CPO: variants seen among roughly 807,000 people sequenced by gnomAD.
The protein encoded by CPO is carboxypeptidase O.
A neutral mutation model predicts 41.2 loss-of-function variants in CPO; 43 were observed. The ratio of observed to expected loss-of-function variants is 1.04; its 90% CI spans 0.82 to 1.35. The LOEUF (loss-of-function observed/expected upper bound fraction) is 1.35. CPO is among the 40% of genes most tolerant of loss of function. CPO has a pLI of 0.00. For missense variants in CPO, 408 were observed against 451.7 expected (o/e 0.90, Z 0.88); for synonymous variants, 178 against 162.7 (o/e 1.09, Z -0.72).
intron 7 of CPO, among the ~76,000 whole-genome samples, chr2:206,966,189 G>A (rs1161576268): frequency 6.7e-6 from 1 of 150,160 alleles, no homozygotes; most frequent in Non-Finnish European, 1.5e-5. Context: ...ATAAATGATA[G>A]CTGGCAATGT....
intron 3 of CPO, among the ~76,000 whole-genome samples, chr2:206,956,414 A>G (rs1693358899): frequency 6.8e-6 from 1 of 146,402 alleles, no homozygotes; most frequent in Admixed American, 6.8e-5. Context: ...CATCATCATC[A>G]TCAGCAGCAG....
intron 5 of CPO, 50 bp downstream of exon 5, chr2:206,959,791 A>G (rs768619966): frequency 3.7e-6 from 3 of 809,266 alleles, no homozygotes; most frequent in Non-Finnish European, 6.4e-6. Flanking sequence ...CTAAAGCTCA[A>G]TTCAGGTTAA....
intron 2 of CPO, 70 bp from the exon 3 acceptor site, chr2:206,955,393 C>A: frequency 1.2e-6 from 1 of 868,728 alleles, no homozygotes; most frequent in Non-Finnish European, 2.0e-6. Context: ...GTGAAAGAAG[C>A]AGTTATCTTA....
chr2:206,960,016 G>A (rs896387366), intron 5 of CPO, among the ~76,000 whole-genome samples: 1 of 151,990 alleles, frequency 6.6e-6, no homozygotes, highest in Non-Finnish European at 1.5e-5. Flanking sequence ...AATGTTTGTG[G>A]ATTGCCTGCC....
intron 8 of CPO, 50 bp from the exon 9 acceptor site, chr2:206,969,124 A>G (rs7582092): frequency 0.66 from 1,049,440 of 1,586,964 alleles, 350,727 homozygotes; most frequent in African/African-American, 0.75. Context: ...ATAGAAATCC[A>G]TTCTTCCAAA....
At chr2:206,953,522 A>G (rs1209875067) in intron 2 of CPO, among the ~76,000 whole-genome samples, 2 of 152,234 alleles carry the variant, frequency 1.3e-5, no homozygotes, top group African/African-American at 4.8e-5. Flanking sequence ...ACAACCTTGG[A>G]CATTCTGTCC....
intron 4 of CPO, 101 bp downstream of exon 4, chr2:206,958,506 G>A: frequency 3.1e-6 from 2 of 638,314 alleles, no homozygotes; most frequent in Non-Finnish European, 5.6e-6. Flanking sequence ...TGTTAGTGAT[G>A]CAACTCTTTA....
intron 6 of CPO, 29 bp from the exon 7 acceptor site, chr2:206,962,383 C>T (rs778858687): frequency 6.3e-7 from 1 of 1,598,522 alleles, no homozygotes; most frequent in East Asian, 2.2e-5. Context: ...GATCATGCAG[C>T]CTTCTTTGTG....
chr2:206,947,456 T>C (rs933357824), intron 1 of CPO, among the ~76,000 whole-genome samples: 3 of 152,290 alleles, frequency 2.0e-5, no homozygotes, highest in East Asian at 3.9e-4. Flanking sequence ...CTCTAGAAGA[T>C]AGCATAAGAG....
At position 206,939,524 on chromosome 2, in the gene CPO, TTGA is replaced by T. The variant is rs1692989846; in HGVS notation, c.-73_-71del. ...CATCTTGATTGTGGGAGCCACAGTCTTGATGCATTCATTCTCAAGGACACTTGA... is the reference window on the plus strand; with the variant it reads ...CATCTTGATTGTGGGAGCCACAGTCTTGCATTCATTCTCAAGGACACTTGA... On this transcript the variant is annotated 5_prime_UTR_variant, in exon 1 of 9. The change abolishes an upstream ATG in the 5' untranslated region. Coordinates refer to ENST00000272852, the MANE Select transcript of CPO (RefSeq NM_173077.3). 2 of 1,150,818 alleles carry T rather than the reference TTGA, an allele frequency of 1.7e-6. No individual in the cohort carries two copies. Among genetic ancestry groups the T allele is most frequent in the Non-Finnish European group, 2.6e-6 (2 of 764,660 alleles). The allele number at this position is 1,150,818 out of a possible 1,614,324, so 71.3% of individuals were successfully genotyped here.
At chr2:206,957,653 C>G (rs936973761) in intron 3 of CPO, among the ~76,000 whole-genome samples, 7 of 152,118 alleles carry the variant, frequency 4.6e-5, no homozygotes, top group African/African-American at 1.4e-4. Flanking sequence ...TCTTCTCCAC[C>G]AAAGAGAATC....
At chr2:206,957,375 CAAA>C (rs201057516) in intron 3 of CPO, among the ~76,000 whole-genome samples, 24 of 101,506 alleles carry the variant, frequency 2.4e-4, no homozygotes, top group Non-Finnish European at 1.6e-4. Context: ...GACTCTGTCT[CAAA>C]AAAAAAAAAA....
intron 7 of CPO, among the ~76,000 whole-genome samples, chr2:206,966,995 G>A (rs1248345362): frequency 2.0e-5 from 3 of 152,156 alleles, no homozygotes; most frequent in African/African-American, 7.2e-5. Flanking sequence ...AATCTAAAAT[G>A]AGACCTGTCC....
At chr2:206,947,179 A>G (rs1257359989) in intron 1 of CPO, among the ~76,000 whole-genome samples, 1 of 152,198 alleles carries the variant, frequency 6.6e-6, no homozygotes, top group Non-Finnish European at 1.5e-5. Context: ...GACTTAATAT[A>G]AAGCTACAGT....
intron 1 of CPO, among the ~76,000 whole-genome samples, chr2:206,943,768 A>AGATAGAT (rs1553510349): frequency 1.2e-4 from 16 of 137,628 alleles, no homozygotes; most frequent in African/African-American, 4.1e-4. Context: ...ATAGATAGAT[A>AGATAGAT]GATAGATAGA....
At chr2:206,950,483 G>A (rs1693236572) in intron 2 of CPO, among the ~76,000 whole-genome samples, 1 of 152,196 alleles carries the variant, frequency 6.6e-6, no homozygotes, top group Non-Finnish European at 1.5e-5. Flanking sequence ...GTTGGTAGGA[G>A]TGTAAATTAG....
intron 3 of CPO, among the ~76,000 whole-genome samples, chr2:206,956,523 A>G (rs1038884127): frequency 3.3e-5 from 5 of 152,156 alleles, no homozygotes; most frequent in African/African-American, 1.2e-4. Flanking sequence ...GGAGCCCAAC[A>G]GTCTATTTTA....
rs533801422 is a variant in CPO at position 206,960,174 on chromosome 2, T to C, written c.483+433T>C. On this transcript the variant is annotated intron_variant, in intron 5 of 8. Transcript: ENST00000272852. ...CAATCATTCACACAGGGGGCAAACATCACATAAAGTCTTTTTATGCAGCAG... is the reference window on the plus strand; with the variant it reads ...CAATCATTCACACAGGGGGCAAACACCACATAAAGTCTTTTTATGCAGCAG... Among the ~76,000 whole-genome samples the C allele has an allele frequency of 4.6e-5, 7 of 152,320 alleles. No homozygotes were observed. The East Asian group carries it at 1.3e-3, about 29-fold the overall frequency.
At chr2:206,956,825 TA>T (rs1693375699) in intron 3 of CPO, among the ~76,000 whole-genome samples, 2 of 152,134 alleles carry the variant, frequency 1.3e-5, no homozygotes, top group Admixed American at 1.3e-4. Flanking sequence ...CTACAACTCT[TA>T]AAAAATTATT....
Sources: allele counts gnomAD v4.1 joint callset (sites outside exome capture counted in the v4.1 genomes callset), GRCh38; gene constraint gnomAD v4.1.1; transcripts MANE v1.5; gene names NCBI Gene and HGNC (gene_info 2026-07-23, HGNC 2026-07-21).